The following RBM27 variants were observed in gnomAD, a reference collection of about 807,000 sequenced individuals.
RBM27 encodes RNA-binding protein 27.
RBM27 carries 22 observed loss-of-function variants against 135.3 expected under a neutral mutation model. That is an observed-to-expected ratio of 0.16 (90% CI 0.12 to 0.23). The LOEUF is 0.23. Ranked by LOEUF, RBM27 falls within the 10% of genes least tolerant of loss-of-function variation. RBM27 has a pLI of 1.00. For missense variants in RBM27, 1,009 were observed against 1,281.0 expected (o/e 0.79, Z 3.24); for synonymous variants, 481 against 442.4 (o/e 1.09, Z -1.10).
intron 19 of RBM27, among the ~76,000 whole-genome samples, chr5:146,277,430 T>C (rs978331089): frequency 1.3e-5 from 2 of 152,178 alleles, no homozygotes; most frequent in Non-Finnish European, 2.9e-5. Flanking sequence ...CAGCCCCCTA[T>C]TGATGAGTTA....
chr5:146,254,579 A>T (rs35058804), intron 9 of RBM27, among the ~76,000 whole-genome samples: 4 of 152,136 alleles, frequency 2.6e-5, no homozygotes, highest in Non-Finnish European at 5.9e-5. Flanking sequence ...ATAAAAAAAA[A>T]CCAGTACAAT....
At chr5:146,240,953 T>C (rs73319961) in intron 8 of RBM27, among the ~76,000 whole-genome samples, 10,676 of 152,210 alleles carry the variant, frequency 0.07, 1,291 homozygotes, top group African/African-American at 0.24. Flanking sequence ...ATGAAGTTCT[T>C]TGTGCTTATC....
In RBM27 at chr5:146,286,886, T is replaced by C. The variant is rs1376147861; in HGVS notation, c.*856T>C. 1 of 152,446 alleles carries C rather than the reference T, an allele frequency of 6.6e-6. No individual in the cohort carries two copies. Among genetic ancestry groups the C allele is most frequent in the Non-Finnish European group, 1.5e-5 (1 of 68,016 alleles). The allele number at this position is 152,446 out of a possible 1,614,324, so 9.4% of individuals were successfully genotyped here. A position where few individuals can be genotyped will look rare whatever the true frequency, so the allele number is the denominator to read the frequency against. ...ATTAATAGGCCTGACTTAGTCATCA[T>C]TGATATAAGTGGTTCATTTGGGCAA... On this transcript the variant is annotated 3_prime_UTR_variant, in exon 21 of 21. Transcript: ENST00000265271.
intron 8 of RBM27, among the ~76,000 whole-genome samples, chr5:146,240,680 C>T (rs1757369814): frequency 6.6e-6 from 1 of 152,090 alleles, no homozygotes; most frequent in Admixed American, 6.6e-5. Context: ...TACATAATGA[C>T]ATATACTTAT....
intron 1 of RBM27, among the ~76,000 whole-genome samples, chr5:146,206,458 T>C (rs1296685658): frequency 2.0e-5 from 3 of 151,468 alleles, no homozygotes; most frequent in Non-Finnish European, 4.4e-5. Context: ...TCTTTCAAAA[T>C]GATTACTTGA....
Position 146,286,171 on chromosome 5 carries a change from C to G in RBM27, c.*141C>G, listed in dbSNP as rs1759573778. ...AGTAGGTTCAAGAACAGCAAGTTTG[C>G]TATTTAAACACATCTCATAACTGTA... On this transcript the variant is annotated 3_prime_UTR_variant, in exon 21 of 21. Coordinates refer to ENST00000265271, the MANE Select transcript of RBM27 (RefSeq NM_018989.2). 1.6e-6 allele frequency: 1 copy of G among 620,006 alleles called. No individual in the cohort carries two copies. The highest frequency in any genetic ancestry group is 1.9e-5 in the African/African-American group (1 of 53,758). 38.4% of individuals were successfully genotyped at this position (620,006 alleles called of 1,614,324 possible).
chr5:146,223,542 T>C lies in RBM27; in HGVS notation c.303+15T>C. On this transcript the variant is annotated intron_variant, in intron 3 of 20. Coordinates refer to ENST00000265271, the MANE Select transcript of RBM27 (RefSeq NM_018989.2). Reference sequence around the variant, plus strand: ...TTAAAGAAGAGGTAATGCAAATTTTTTCTCCTGCTTTTGGGGGCTTCTTAG... The same window carrying C: ...TTAAAGAAGAGGTAATGCAAATTTTCTCTCCTGCTTTTGGGGGCTTCTTAG... The C allele has an allele frequency of 6.3e-7, 1 of 1,592,450 alleles. No homozygotes were observed. The highest frequency in any genetic ancestry group is 2.2e-5 in the East Asian group (1 of 44,458).
chr5:146,260,686 A>G (rs1216935204), intron 11 of RBM27, 59 bp from the exon 12 acceptor site: 8 of 1,424,402 alleles, frequency 5.6e-6, no homozygotes, highest in Non-Finnish European at 7.6e-6. Context: ...TTGTGGTTAT[A>G]TCTCTTTGCT....
At position 146,229,779 on chromosome 5, in the gene RBM27, A is replaced by C. The variant is rs1445681776; in HGVS notation, c.458A>C (p.Asn153Thr). 1 of 1,613,104 alleles carries C rather than the reference A, an allele frequency of 6.2e-7. No individual in the cohort carries two copies. The highest frequency in any genetic ancestry group is 2.2e-5 in the East Asian group (1 of 44,886). ...WRDYDRYYER[N>T]ELYREKYDWR... ...GACTATGACCGGTACTATGAGCGGA[A>C]TGAATTGTACCGTGAGAAGTATGAC... Residue 153 changes from asparagine (N) to threonine (T), a missense_variant, in exon 5 of 21, where the codon AAT becomes ACT. Physicochemically the swap from Asn to Thr is moderately conservative, Grantham distance 65. Around this residue, in one of 6 missense-constraint regions of RBM27, gnomAD observed 268 missense variants for 326.6 expected, o/e 0.82. Coordinates refer to ENST00000265271, the MANE Select transcript of RBM27 (RefSeq NM_018989.2).
intron 11 of RBM27, among the ~76,000 whole-genome samples, chr5:146,258,884 G>A (rs1224164701): frequency 1.3e-5 from 2 of 151,610 alleles, no homozygotes; most frequent in African/African-American, 2.4e-5. Flanking sequence ...CCAGCCTCCT[G>A]AGTAGTTGAG....
At position 146,230,832 on chromosome 5, in the gene RBM27, T is replaced by C. The variant is rs770829357; in HGVS notation, c.765T>C (p.Ser255=). 3.7e-6 allele frequency: 6 copies of C among 1,613,970 alleles called. No homozygotes were observed. The highest frequency in any genetic ancestry group is 5.1e-6 in the Non-Finnish European group (6 of 1,179,938). Residue 255 remains serine (S), a synonymous_variant, in exon 6 of 21, where the codon AGT becomes AGC. Coordinates refer to ENST00000265271, the MANE Select transcript of RBM27 (RefSeq NM_018989.2). ...PAHHSENTTE[S]WSNYYNNHSS... is the part of the protein sequence containing the mutation. ...ACCACTCTGAAAACACAACTGAGAG[T>C]TGGTCTAATTACTATAACAATCATA...
chr5:146,271,803 C>A, intron 19 of RBM27, 129 bp downstream of exon 19: 2 of 725,548 alleles, frequency 2.8e-6, no homozygotes, highest in Non-Finnish European at 4.3e-6. Flanking sequence ...TGAGTACTAC[C>A]AAATGCCTAT....
chr5:146,237,908 G>A (rs1757238737), intron 8 of RBM27, among the ~76,000 whole-genome samples: 1 of 152,034 alleles, frequency 6.6e-6, no homozygotes. Flanking sequence ...GGCTGGTCTC[G>A]AACTCCTGAC....
At chr5:146,281,567 A>G (rs1447343955) in intron 19 of RBM27, among the ~76,000 whole-genome samples, 6 of 152,200 alleles carry the variant, frequency 3.9e-5, no homozygotes, top group Admixed American at 3.3e-4. Flanking sequence ...AAAAAATCTC[A>G]TAGTGTTTTA....
At chr5:146,241,616 G>T (rs77855367) in intron 8 of RBM27, among the ~76,000 whole-genome samples, 1,712 of 152,210 alleles carry the variant, frequency 0.011, 15 homozygotes, top group Middle Eastern at 0.017. Flanking sequence ...GGGCCCCAAG[G>T]CCCACCTAAT....
chr5:146,279,437 ACT>A (rs1013765335), intron 19 of RBM27, among the ~76,000 whole-genome samples: 5 of 151,284 alleles, frequency 3.3e-5, no homozygotes, highest in African/African-American at 9.7e-5. Flanking sequence ...ACAGAGTGAG[ACT>A]CTGTCTAAAA....
intron 19 of RBM27, among the ~76,000 whole-genome samples, chr5:146,273,954 T>C (rs1410486750): frequency 6.6e-6 from 1 of 152,208 alleles, no homozygotes. Context: ...ATGATAACCA[T>C]GTAAATGTTT....
chr5:146,267,682 T>C lies in RBM27; in HGVS notation c.2365T>C (p.Tyr789His), dbSNP rs1250420607. 6.2e-7 allele frequency: 1 copy of C among 1,601,688 alleles called. No individual in the cohort carries two copies. The highest frequency in any genetic ancestry group is 1.7e-5 in the Admixed American group (1 of 59,382). The change falls in exon 15 of 21, where the codon TAC becomes CAC. Residue 789 changes from tyrosine (Y) to histidine (H), a missense_variant. By Grantham distance (83) the Tyr-to-His change is moderately conservative (BLOSUM62 2). Around this residue, in one of 6 missense-constraint regions of RBM27, gnomAD observed 355 missense variants for 427.3 expected, o/e 0.83. Transcript: ENST00000265271. ...FSTPGHPKMI[Y>H]SSSNLKTPSK... The stretch of plus-strand genomic sequence containing the variant: ...AACTCCAGGCCATCCAAAAATGATT[T>C]ACAGCTCCTCAAACTTAAAGACACC...
At chr5:146,256,216 A>G (rs1758092774) in intron 10 of RBM27, among the ~76,000 whole-genome samples, 1 of 149,586 alleles carries the variant, frequency 6.7e-6, no homozygotes, top group Non-Finnish European at 1.5e-5. Flanking sequence ...CCTGCTGTTA[A>G]TAACACTATT....
Sources: gnomAD v4.1 joint callset for allele counts (sites outside exome capture counted in the v4.1 genomes callset) on GRCh38, gnomAD v4.1.1 for gene constraint, gnomAD v4.1.1 regional missense constraint, MANE v1.5 for transcripts, NCBI Gene and HGNC (gene_info 2026-07-23, HGNC 2026-07-21) for gene names.